Variants in DEPDC1B observed in about 807,000 individuals in gnomAD.
DEPDC1B encodes the protein DEP domain containing 1B.
Under a neutral mutation model 66.5 loss-of-function variants are expected in DEPDC1B, and 51 were observed. That is an observed-to-expected ratio of 0.77 (90% CI 0.61 to 0.97). The LOEUF is 0.97. Among genes scored for constraint, DEPDC1B ranks in the 50% least tolerant of loss-of-function variants. The pLI, the probability that DEPDC1B is intolerant of heterozygous loss-of-function variation, is 0.00. For missense variants in DEPDC1B, 552 were observed against 637.1 expected (o/e 0.87, Z 1.44); for synonymous variants, 226 against 223.6 (o/e 1.01, Z -0.10).
At chr5:60,632,582 A>G (rs774237015) in intron 7 of DEPDC1B, among the ~76,000 whole-genome samples, 5 of 152,258 alleles carry the variant, frequency 3.3e-5, no homozygotes, top group Admixed American at 6.5e-5. Context: ...GCTGGACAGC[A>G]GTGGCTACTC....
rs1314519214 is a variant in DEPDC1B at position 60,687,120 on chromosome 5, C to A, written c.156G>T (p.Trp52Cys). The A allele has an allele frequency of 6.2e-7, 1 of 1,614,086 alleles. No individual in the cohort carries two copies. Among genetic ancestry groups the A allele is most frequent in the Non-Finnish European group, 8.5e-7 (1 of 1,180,046 alleles). The change falls in exon 2 of 11, where the codon TGG (tryptophan) becomes TGT (cysteine). Residue 52 changes from tryptophan to cysteine, a missense_variant. Transcript: ENST00000265036. ...GACTGCACCTCAGCAGCTCATGCAG[C>A]CAATCCACAGCTTCGGCCGCTGTGA... is the stretch of plus-strand genomic sequence containing the variant. ...HCFTAAEAVD[W>C]LHELLRCSQN...
intron 7 of DEPDC1B, among the ~76,000 whole-genome samples, chr5:60,615,164 G>A (rs1437653933): frequency 6.6e-6 from 1 of 152,154 alleles, no homozygotes; most frequent in Non-Finnish European, 1.5e-5. Flanking sequence ...AAGTAGGGGG[G>A]ATGGAACCAA....
At chr5:60,608,900 G>A (rs1481671880) in intron 7 of DEPDC1B, among the ~76,000 whole-genome samples, 1 of 152,094 alleles carries the variant, frequency 6.6e-6, no homozygotes. Context: ...CCTGAGGCCA[G>A]GAGCTTAAGA....
intron 7 of DEPDC1B, among the ~76,000 whole-genome samples, chr5:60,626,676 A>G (rs999969481): frequency 2.0e-5 from 3 of 152,198 alleles, no homozygotes; most frequent in Admixed American, 6.5e-5. Context: ...CTCTTGCTAC[A>G]TACAATGCAC....
chr5:60,666,023 C>T (rs950890802), intron 2 of DEPDC1B, among the ~76,000 whole-genome samples: 4 of 152,208 alleles, frequency 2.6e-5, no homozygotes, highest in African/African-American at 9.6e-5. Context: ...AATCTTGCAA[C>T]TGCACACTCT....
At chr5:60,672,971 T>G (rs909326166) in intron 2 of DEPDC1B, among the ~76,000 whole-genome samples, 1 of 152,180 alleles carries the variant, frequency 6.6e-6, no homozygotes, top group African/African-American at 2.4e-5. Flanking sequence ...CTGACTAACC[T>G]TTGAACTTCT....
intron 2 of DEPDC1B, among the ~76,000 whole-genome samples, chr5:60,683,893 A>T (rs1382955299): frequency 1.3e-5 from 2 of 152,200 alleles, no homozygotes; most frequent in East Asian, 3.8e-4. Flanking sequence ...AGAACTGATA[A>T]ATTCAATAAA....
intron 2 of DEPDC1B, among the ~76,000 whole-genome samples, chr5:60,676,474 A>G (rs1027275705): frequency 6.6e-6 from 1 of 152,158 alleles, no homozygotes; most frequent in Non-Finnish European, 1.5e-5. Context: ...CCTCGCTTTA[A>G]TAACTTCTCC....
In DEPDC1B at chr5:60,700,125, C is replaced by G; in HGVS notation, c.-32G>C. ...TAGGCAGCAGCGGCCGCAGCCGCGC[C>G]AGCGCTGATCCCCGCCAGCCGGAGG... On this transcript the variant is annotated 5_prime_UTR_variant, in exon 1 of 11. Coordinates refer to ENST00000265036, the MANE Select transcript of DEPDC1B (RefSeq NM_018369.3). The G allele has an allele frequency of 6.5e-7, 1 of 1,535,886 alleles. No homozygotes were observed.
At chr5:60,672,462 G>A (rs149817560) in intron 2 of DEPDC1B, among the ~76,000 whole-genome samples, 120 of 152,302 alleles carry the variant, frequency 7.9e-4, no homozygotes, top group African/African-American at 2.6e-3. Flanking sequence ...AAGAAAGAGC[G>A]CAAAGGGGAA....
At chr5:60,636,983 T>C (rs1753057778) in intron 7 of DEPDC1B, among the ~76,000 whole-genome samples, 2 of 152,208 alleles carry the variant, frequency 1.3e-5, no homozygotes, top group African/African-American at 4.8e-5. Flanking sequence ...AGCAGTGACA[T>C]CGTAAATATA....
rs537681927 is a variant in DEPDC1B at position 60,599,022 on chromosome 5, A to C, written c.1428+53T>G. ...GAAGCCTATTAAAATAAAAAAAAAA[A>C]CATAAAAACAGTAGGGAGGAGAAAA... On this transcript the variant is annotated intron_variant, in intron 10 of 10. Transcript: ENST00000265036. 17 of 1,448,346 alleles carry C rather than the reference A, an allele frequency of 1.2e-5. 1 individual carries two copies. The highest frequency in any genetic ancestry group is 1.2e-4 in the African/African-American group (8 of 69,294). 89.7% of individuals were successfully genotyped at this position (1,448,346 alleles called of 1,614,324 possible).
At position 60,691,431 on chromosome 5, in the gene DEPDC1B, G is replaced by A. The variant is rs543370557; in HGVS notation, c.49-4204C>T. On this transcript the variant is annotated intron_variant, in intron 1 of 10. Transcript: ENST00000265036. ...TAATTGCTAGTCATGTCTTCCTCCTGGCCAAACTGAAATAGCTTTTTATTC... is the reference window on the plus strand; with the variant it reads ...TAATTGCTAGTCATGTCTTCCTCCTAGCCAAACTGAAATAGCTTTTTATTC... 1.4e-4 allele frequency among the ~76,000 whole-genome samples: 21 copies of A among 152,082 alleles called. No individual in the cohort carries two copies. The East Asian group carries it at 2.3e-3, about 17-fold the overall frequency.
At chr5:60,611,539 G>T (rs1752414090) in intron 7 of DEPDC1B, among the ~76,000 whole-genome samples, 1 of 152,212 alleles carries the variant, frequency 6.6e-6, no homozygotes, top group Non-Finnish European at 1.5e-5. Flanking sequence ...GCCAAGTTAT[G>T]AATGCAAAGA....
rs3989094 is a variant in DEPDC1B, at chr5:60,613,828, G to GTGTGTGTGTGTGTGTGTATA, written c.899-7973_899-7972insTATACACACACACACACACA. Among the ~76,000 whole-genome samples, 6 of 144,488 alleles carry GTGTGTGTGTGTGTGTGTATA rather than the reference G, an allele frequency of 4.2e-5. No individual in the cohort carries two copies. In the South Asian group the frequency reaches 8.8e-4, roughly 21 times the overall value. The allele number at this position is 144,488 out of a possible 152,430, so 94.8% of individuals were successfully genotyped here. A position where few individuals can be genotyped will look rare whatever the true frequency, so the allele number is the denominator to read the frequency against. Reference sequence around the variant, plus strand: ...TGTGTGTGTGTGTGTGTGTGTGTGTGTATACATAAAAAACAGATGTAGGGT... The same window carrying GTGTGTGTGTGTGTGTGTATA: ...TGTGTGTGTGTGTGTGTGTGTGTGTGTGTGTGTGTGTGTGTGTATATATACATAAAAAACAGATGTAGGGT... On this transcript the variant is annotated intron_variant, in intron 7 of 10. Coordinates refer to ENST00000265036, the MANE Select transcript of DEPDC1B (RefSeq NM_018369.3).
At chr5:60,665,686 G>A (rs1753821190) in intron 2 of DEPDC1B, among the ~76,000 whole-genome samples, 1 of 152,160 alleles carries the variant, frequency 6.6e-6, no homozygotes, top group Admixed American at 6.5e-5. Context: ...GGGTTTTCCT[G>A]TTGGAAGCGG....
chr5:60,597,859 G>A lies in DEPDC1B; in HGVS notation c.1484C>T (p.Ala495Val), dbSNP rs1349622608. Residue 495 changes from alanine to valine, a missense_variant, in exon 11 of 11, where the codon GCA (alanine) becomes GTA (valine). Physicochemically the swap from Ala to Val is moderately conservative, Grantham distance 64. Transcript: ENST00000265036. ...YQERFPTPES[A>V]ALLFPEKPKP... The stretch of plus-strand genomic sequence containing the variant: ...GGGTTTTTCAGGAAACAGAAGTGCT[G>A]CACTTTCTGGTGTAGGAAATCGTTC... The A allele has an allele frequency of 3.7e-6, 6 of 1,613,046 alleles. No homozygotes were observed. The highest frequency in any genetic ancestry group is 5.1e-6 in the Non-Finnish European group (6 of 1,179,546).
At chr5:60,635,101 G>A (rs1753015689) in intron 7 of DEPDC1B, among the ~76,000 whole-genome samples, 1 of 151,734 alleles carries the variant, frequency 6.6e-6, no homozygotes, top group Non-Finnish European at 1.5e-5. Context: ...TAAGCCCTGG[G>A]CTCTGAGAGC....
intron 5 of DEPDC1B, among the ~76,000 whole-genome samples, 176 bp downstream of exon 5, chr5:60,644,569 C>T (rs1030585344): frequency 6.6e-6 from 1 of 152,192 alleles, no homozygotes; most frequent in Non-Finnish European, 1.5e-5. Flanking sequence ...CCTAGATACT[C>T]ATCTTCCTAT....
Sources: allele counts gnomAD v4.1 joint callset (sites outside exome capture counted in the v4.1 genomes callset), GRCh38; gene constraint gnomAD v4.1.1; transcripts MANE v1.5; gene names NCBI Gene and HGNC (gene_info 2026-07-23, HGNC 2026-07-21).